Variants in SNTB2 observed in about 807,000 individuals in gnomAD.
SNTB2 encodes the protein syntrophin beta 2.
SNTB2 carries 34 observed loss-of-function variants against 46.2 expected under a neutral mutation model. That is an observed-to-expected ratio of 0.74 (90% CI 0.56 to 0.98). SNTB2 has a LOEUF of 0.98. Among genes scored for constraint, SNTB2 ranks in the 50% least tolerant of loss-of-function variants. SNTB2 has a pLI of 0.00. For missense variants in SNTB2, 603 were observed against 731.4 expected (o/e 0.82, Z 2.02); for synonymous variants, 290 against 312.6 (o/e 0.93, Z 0.76).
At chr16:69,273,418 C>T (rs1467090340) in intron 4 of SNTB2, among the ~76,000 whole-genome samples, 5 of 152,182 alleles carry the variant, frequency 3.3e-5, no homozygotes, top group African/African-American at 9.7e-5. Context: ...TGTTCTGATA[C>T]ATTCTGCAGT....
chr16:69,272,929 A>G (rs1033466325), intron 4 of SNTB2, among the ~76,000 whole-genome samples: 4 of 152,070 alleles, frequency 2.6e-5, no homozygotes, highest in African/African-American at 9.6e-5. Context: ...AATGATATGA[A>G]TAGATACTTG....
At chr16:69,203,617 G>C (rs1333326966) in intron 1 of SNTB2, among the ~76,000 whole-genome samples, 2 of 152,096 alleles carry the variant, frequency 1.3e-5, no homozygotes, top group Non-Finnish European at 2.9e-5. Flanking sequence ...TGGGATTACA[G>C]ACTGAGCCAC....
intron 3 of SNTB2, among the ~76,000 whole-genome samples, chr16:69,268,101 CT>C (rs904042063): frequency 6.6e-5 from 10 of 152,096 alleles, no homozygotes; most frequent in Non-Finnish European, 1.5e-4. Context: ...AGTTTAAAAC[CT>C]TTTTAGAGAT....
At chr16:69,295,680 C>G (rs1965216626) in intron 5 of SNTB2, among the ~76,000 whole-genome samples, 1 of 151,128 alleles carries the variant, frequency 6.6e-6, no homozygotes, top group South Asian at 2.1e-4. Flanking sequence ...GTCCCAGATG[C>G]TATCCCGTCA....
chr16:69,299,101 A>T (rs1018244051), intron 5 of SNTB2, among the ~76,000 whole-genome samples: 1 of 151,662 alleles, frequency 6.6e-6, no homozygotes, highest in African/African-American at 2.4e-5. Flanking sequence ...AAGGAGTGTT[A>T]TGGTCATTTC....
chr16:69,243,213 G>C (rs1364563144), intron 1 of SNTB2, among the ~76,000 whole-genome samples: 1 of 152,244 alleles, frequency 6.6e-6, no homozygotes, highest in South Asian at 2.1e-4. Context: ...AGCTCCATGT[G>C]GGGGTGTAAA....
At chr16:69,245,579 T>G (rs1479763112) in intron 1 of SNTB2, 23 bp from the exon 2 acceptor site, 13 of 1,609,220 alleles carry the variant, frequency 8.1e-6, no homozygotes, top group Non-Finnish European at 1.1e-5. Context: ...ACTAACCTTC[T>G]TCTTTGATTT....
At chr16:69,190,753 G>C (rs879747673) in intron 1 of SNTB2, among the ~76,000 whole-genome samples, 6 of 152,164 alleles carry the variant, frequency 3.9e-5, no homozygotes, top group Non-Finnish European at 7.3e-5. Flanking sequence ...AGGACTTTGT[G>C]GTCAGATGTG....
At chr16:69,290,461 A>G (rs1187339622) in intron 5 of SNTB2, among the ~76,000 whole-genome samples, 1 of 152,208 alleles carries the variant, frequency 6.6e-6, no homozygotes, top group Non-Finnish European at 1.5e-5. Flanking sequence ...ATAAAAATGA[A>G]GAAAATCTAG....
chr16:69,227,648 G>C (rs1964471924), intron 1 of SNTB2, among the ~76,000 whole-genome samples: 1 of 152,174 alleles, frequency 6.6e-6, no homozygotes, highest in African/African-American at 2.4e-5. Flanking sequence ...ATAGTGTCTT[G>C]AGTTTTAATC....
In SNTB2 at chr16:69,307,754, G is replaced by A. The variant is rs1337086788; in HGVS notation, c.*6830G>A. On this transcript the variant is annotated 3_prime_UTR_variant, in exon 7 of 7. Transcript: ENST00000336278. The stretch of plus-strand genomic sequence containing the variant: ...TAGCCCAGGAGGTCCAGACCAGCCT[G>A]GGCAACACAGCGGGACCCCGACTCC... The A allele has an allele frequency of 1.3e-5, 2 of 150,676 alleles. No homozygotes were observed. The highest frequency in any genetic ancestry group is 3.9e-4 in the East Asian group (2 of 5,156). The allele number at this position is 150,676 out of a possible 1,614,324, so 9.3% of individuals were successfully genotyped here.
intron 4 of SNTB2, among the ~76,000 whole-genome samples, chr16:69,278,852 G>C (rs1346591326): frequency 6.6e-6 from 1 of 150,978 alleles, no homozygotes; most frequent in Non-Finnish European, 1.5e-5. Context: ...CTTGCTGTTG[G>C]GTTGGTTATT....
At chr16:69,249,589 A>G (rs1964706077) in intron 2 of SNTB2, among the ~76,000 whole-genome samples, 1 of 152,158 alleles carries the variant, frequency 6.6e-6, no homozygotes. Flanking sequence ...CACTAAAGAC[A>G]TTTCGTGATG....
chr16:69,235,282 A>T (rs746742275), intron 1 of SNTB2, among the ~76,000 whole-genome samples: 6 of 151,818 alleles, frequency 4.0e-5, no homozygotes, highest in Non-Finnish European at 5.9e-5. Flanking sequence ...AGCCAGTTTT[A>T]ATTTTACGTA....
chr16:69,198,462 C>T (rs1045208364), intron 1 of SNTB2, among the ~76,000 whole-genome samples: 61 of 152,214 alleles, frequency 4.0e-4, no homozygotes, highest in Non-Finnish European at 6.8e-4. Context: ...GCACGTTCTG[C>T]CTCTGCTTCT....
At chr16:69,295,465 G>A (rs1011853429) in intron 5 of SNTB2, among the ~76,000 whole-genome samples, 2 of 150,970 alleles carry the variant, frequency 1.3e-5, no homozygotes, top group Non-Finnish European at 3.0e-5. Flanking sequence ...GGCCAGGCTG[G>A]TGTCGAACTC....
Position 69,308,969 on chromosome 16 carries a change from T to C in SNTB2, c.*8045T>C, listed in dbSNP as rs1965335654. 1 of 152,528 alleles carries C rather than the reference T, an allele frequency of 6.6e-6. No homozygotes were observed. The highest frequency in any genetic ancestry group is 2.4e-5 in the African/African-American group (1 of 41,432). The allele number at this position is 152,528 out of a possible 1,614,324, so 9.4% of individuals were successfully genotyped here. A position where few individuals can be genotyped will look rare whatever the true frequency, so the allele number is the denominator to read the frequency against. ...ACAGCATTGTACATTACAATGAAAA[T>C]GTGTAACTTAAGGGTATTATATATA... is the stretch of plus-strand genomic sequence containing the variant. On this transcript the variant is annotated 3_prime_UTR_variant, in exon 7 of 7. Transcript: ENST00000336278.
chr16:69,252,062 C>T (rs1185301059), intron 2 of SNTB2, among the ~76,000 whole-genome samples: 1 of 152,172 alleles, frequency 6.6e-6, no homozygotes, highest in Non-Finnish European at 1.5e-5. Context: ...TAATATTTAC[C>T]TTTGTGATGG....
chr16:69,217,910 G>T (rs1419463660), intron 1 of SNTB2, among the ~76,000 whole-genome samples: 6 of 152,140 alleles, frequency 3.9e-5, no homozygotes, highest in Non-Finnish European at 7.3e-5. Flanking sequence ...GAACATGTTG[G>T]ACTGAATTAT....
Sources: allele counts gnomAD v4.1 joint callset (sites outside exome capture counted in the v4.1 genomes callset), GRCh38; gene constraint gnomAD v4.1.1; transcripts MANE v1.5; gene names NCBI Gene and HGNC (gene_info 2026-07-23, HGNC 2026-07-21).